The following NKAIN2 variants were observed in gnomAD, a reference collection of about 807,000 sequenced individuals.
NKAIN2 encodes the protein sodium/potassium transporting ATPase interacting 2.
In NKAIN2, 14 loss-of-function variants were observed where a neutral mutation model predicts 32.6. The observed-to-expected ratio is 0.43, with a 90% CI of 0.28 to 0.67. The LOEUF (loss-of-function observed/expected upper bound fraction) is 0.67, where lower values mean the gene tolerates loss of function less well. Ranked by LOEUF, NKAIN2 falls within the 30% of genes least tolerant of loss-of-function variation. NKAIN2 has a pLI of 0.17. For missense variants in NKAIN2, 198 were observed against 258.3 expected, an observed-to-expected ratio of 0.77 and a Z score of 1.60; for synonymous variants, 80 against 87.2, an observed-to-expected ratio of 0.92 and a Z score of 0.46.
At chr6:123,853,569 A>C (rs1775437709) in intron 1 of NKAIN2, among the ~76,000 whole-genome samples, 1 of 152,176 alleles carries the variant, frequency 6.6e-6, no homozygotes, top group South Asian at 2.1e-4. Context: ...TATTTATGAA[A>C]ACATAAGAAA....
chr6:124,517,011 A>G (rs1184379797), intron 3 of NKAIN2, among the ~76,000 whole-genome samples: 3 of 152,174 alleles, frequency 2.0e-5, no homozygotes, highest in South Asian at 2.1e-4. Context: ...ATAGGATACT[A>G]TTTGAATTGG....
chr6:123,959,779 T>C (rs1192270893), intron 1 of NKAIN2, among the ~76,000 whole-genome samples: 1 of 151,362 alleles, frequency 6.6e-6, no homozygotes, highest in African/African-American at 2.4e-5. Context: ...GATCTTTTCC[T>C]CTCTCTCTCT....
intron 1 of NKAIN2, among the ~76,000 whole-genome samples, chr6:123,961,751 T>G (rs983426547): frequency 6.6e-6 from 1 of 152,174 alleles, no homozygotes; most frequent in Non-Finnish European, 1.5e-5. Context: ...GGAATGAAGC[T>G]TTTCCCCCTT....
At chr6:124,364,250 A>AAAAAGAGAG (rs3054409) in intron 3 of NKAIN2, among the ~76,000 whole-genome samples, 47,900 of 139,116 alleles carry the variant, frequency 0.34, 9,142 homozygotes, top group South Asian at 0.47. Flanking sequence ...AAAAAAAAAA[A>AAAAAGAGAG]AGAGAGAAAA....
chr6:123,850,998 AT>A (rs1330449453), intron 1 of NKAIN2, among the ~76,000 whole-genome samples: 4 of 151,724 alleles, frequency 2.6e-5, no homozygotes, highest in Non-Finnish European at 4.4e-5. Context: ...CCAGTTACAT[AT>A]TTTTTTCGTA....
At chr6:124,422,812 A>G (rs1467920024) in intron 3 of NKAIN2, among the ~76,000 whole-genome samples, 3 of 152,220 alleles carry the variant, frequency 2.0e-5, no homozygotes, top group Non-Finnish European at 4.4e-5. Context: ...AGGTTCAGTG[A>G]AAATCACTGT....
intron 1 of NKAIN2, among the ~76,000 whole-genome samples, chr6:124,013,237 G>A (rs754053331): frequency 4.0e-4 from 61 of 152,070 alleles, no homozygotes; most frequent in Non-Finnish European, 3.5e-4. Context: ...TATCAAATAT[G>A]TGTTTGAAAG....
Position 124,375,357 on chromosome 6 carries a change from A to G in NKAIN2, c.273+20010A>G, listed in dbSNP as rs188260323. 3.8e-4 allele frequency among the ~76,000 whole-genome samples: 56 copies of G among 149,118 alleles called. No individual in the cohort carries two copies. In the East Asian group the frequency reaches 0.01, roughly 28 times the overall value. ...TACCTCTTCCATATACGTATCAAGA[A>G]CAATGCCAGTAGGTACTCACTATAT... On this transcript the variant is annotated intron_variant, in intron 3 of 6. Transcript: ENST00000368417.
At chr6:124,792,115 A>G (rs1265423062) in intron 5 of NKAIN2, among the ~76,000 whole-genome samples, 1 of 152,108 alleles carries the variant, frequency 6.6e-6, no homozygotes, top group Non-Finnish European at 1.5e-5. Flanking sequence ...AAGTACTTCT[A>G]TTCTCTGAGG....
chr6:124,597,713 T>C (rs906276088), intron 3 of NKAIN2, among the ~76,000 whole-genome samples: 17 of 152,170 alleles, frequency 1.1e-4, no homozygotes, highest in African/African-American at 3.6e-4. Flanking sequence ...CCCACATTTC[T>C]AGTTCAGAGG....
At chr6:124,231,185 A>T (rs1289436756) in intron 1 of NKAIN2, among the ~76,000 whole-genome samples, 2 of 152,218 alleles carry the variant, frequency 1.3e-5, no homozygotes, top group Non-Finnish European at 2.9e-5. Flanking sequence ...TTGGACTTGC[A>T]TGGGGCCTGT....
At chr6:124,009,645 A>C (rs1373510151) in intron 1 of NKAIN2, among the ~76,000 whole-genome samples, 2 of 152,128 alleles carry the variant, frequency 1.3e-5, no homozygotes, top group Non-Finnish European at 2.9e-5. Context: ...GAAAACAGAA[A>C]TCAGTTTCTG....
chr6:124,042,546 A>C (rs1284987685), intron 1 of NKAIN2, among the ~76,000 whole-genome samples: 2 of 152,076 alleles, frequency 1.3e-5, no homozygotes, highest in Non-Finnish European at 2.9e-5. Flanking sequence ...GAAAAAACCC[A>C]CAAACTGCAA....
chr6:124,188,632 C>T (rs1056517188), intron 1 of NKAIN2, among the ~76,000 whole-genome samples: 1 of 152,136 alleles, frequency 6.6e-6, no homozygotes, highest in African/African-American at 2.4e-5. Context: ...TGTGTTGGTA[C>T]TTGCAGAAAA....
intron 1 of NKAIN2, among the ~76,000 whole-genome samples, chr6:123,805,164 G>A (rs1020265844): frequency 2.0e-5 from 3 of 152,174 alleles, no homozygotes; most frequent in African/African-American, 7.2e-5. Flanking sequence ...TTTGAGGTAG[G>A]AGCTACTTGC....
chr6:124,438,415 A>G (rs893923328), intron 3 of NKAIN2, among the ~76,000 whole-genome samples: 2 of 152,138 alleles, frequency 1.3e-5, no homozygotes, highest in African/African-American at 4.8e-5. Context: ...TATGTTATCA[A>G]TTATTCCTTT....
At chr6:124,024,983 CA>C (rs60803472) in intron 1 of NKAIN2, among the ~76,000 whole-genome samples, 46 of 141,932 alleles carry the variant, frequency 3.2e-4, no homozygotes, top group Admixed American at 3.5e-4. Context: ...GATTCCGTCT[CA>C]AAAAAAAAAA....
rs148078024 is a variant in NKAIN2 at position 124,480,506 on chromosome 6, A to G, written c.273+125159A>G. ...CTTGCACCTTTGACTTTTTCTTGTCAATTAATACTCTTGCTGGTTACAGAT... is the reference window on the plus strand; with the variant it reads ...CTTGCACCTTTGACTTTTTCTTGTCGATTAATACTCTTGCTGGTTACAGAT... On this transcript the variant is annotated intron_variant, in intron 3 of 6. Transcript: ENST00000368417. 7.8e-3 allele frequency among the ~76,000 whole-genome samples: 1,180 copies of G among 152,236 alleles called. 15 individuals are homozygous for G. The highest frequency in any genetic ancestry group is 0.027 in the African/African-American group (1,129 of 41,542).
At chr6:124,793,034 A>G (rs1446127733) in intron 5 of NKAIN2, among the ~76,000 whole-genome samples, 1 of 152,148 alleles carries the variant, frequency 6.6e-6, no homozygotes, top group Non-Finnish European at 1.5e-5. Context: ...GAACTAGTTA[A>G]GACACCATGA....
Sources: allele counts gnomAD v4.1 joint callset (sites outside exome capture counted in the v4.1 genomes callset), GRCh38; gene constraint gnomAD v4.1.1; transcripts MANE v1.5; gene names NCBI Gene and HGNC (gene_info 2026-07-23, HGNC 2026-07-21).